The following MYO6 variants were observed in gnomAD, a reference collection of about 807,000 sequenced individuals.
MYO6 encodes the protein unconventional myosin-VI.
MYO6 carries 74 observed loss-of-function variants against 178.7 expected under a neutral mutation model. The ratio of observed to expected loss-of-function variants is 0.41; its 90% CI spans 0.34 to 0.50. The LOEUF (loss-of-function observed/expected upper bound fraction) is 0.50, where lower values mean the gene tolerates loss of function less well. Ranked by LOEUF, MYO6 falls within the 20% of genes least tolerant of loss-of-function variation. The pLI is 0.09. For synonymous variants in MYO6, 477 were observed against 504.6 expected (o/e 0.95, Z 0.73); for missense variants, 1,330 against 1,547.4 (o/e 0.86, Z 2.36).
chr6:75,910,265 A>C (rs1562317434), intron 32 of MYO6, among the ~76,000 whole-genome samples: 1 of 152,182 alleles, frequency 6.6e-6, no homozygotes, highest in African/African-American at 2.4e-5. Context: ...TATAATTACT[A>C]ACTTTAGCTT....
At chr6:75,831,853 A>G (rs925147250) in intron 5 of MYO6, among the ~76,000 whole-genome samples, 1 of 151,246 alleles carries the variant, frequency 6.6e-6, no homozygotes. Flanking sequence ...TCATGCCACT[A>G]TACTTCAACC....
At chr6:75,896,337 TGTA>T (rs1339188601) in intron 29 of MYO6, among the ~76,000 whole-genome samples, 3 of 152,250 alleles carry the variant, frequency 2.0e-5, no homozygotes, top group Admixed American at 1.3e-4. Flanking sequence ...TCTGCATAAC[TGTA>T]GTAGAAGACA....
In MYO6 at chr6:75,866,588, C is replaced by G. The variant is rs763342831; in HGVS notation, c.1737C>G (p.Ile579Met). The G allele has an allele frequency of 1.9e-6, 3 of 1,614,026 alleles. No individual in the cohort carries two copies. Among genetic ancestry groups the G allele is most frequent in the Admixed American group, 1.7e-5 (1 of 60,010 alleles). The change falls in exon 17 of 35, where the codon ATC (isoleucine) becomes ATG (methionine). Residue 579 changes from isoleucine to methionine, a missense_variant. Coordinates refer to ENST00000369977, the MANE Select transcript of MYO6 (RefSeq NM_004999.4). ...TCAGAGACGACGAAGGCTTCATTATCAGGCATTTTGCGGGGGCAGTGTGCT... is the reference window on the plus strand; with the variant it reads ...TCAGAGACGACGAAGGCTTCATTATGAGGCATTTTGCGGGGGCAGTGTGCT... ...RNIRDDEGFIIRHFAGAVCYE... is the reference protein window; with the variant it reads ...RNIRDDEGFIMRHFAGAVCYE...
intron 1 of MYO6, among the ~76,000 whole-genome samples, chr6:75,793,556 A>T (rs1391233142): frequency 2.0e-5 from 3 of 152,068 alleles, no homozygotes; most frequent in Non-Finnish European, 1.5e-5. Flanking sequence ...GTGAGCCAAG[A>T]TCGTACCACT....
chr6:75,863,282 G>A (rs1162345775), intron 16 of MYO6, among the ~76,000 whole-genome samples: 3 of 152,102 alleles, frequency 2.0e-5, no homozygotes, highest in Non-Finnish European at 4.4e-5. Flanking sequence ...CTTGACTGGT[G>A]CAGGCAATAC....
chr6:75,813,128 GTTCA>G (rs1770856806), intron 1 of MYO6, among the ~76,000 whole-genome samples: 1 of 152,088 alleles, frequency 6.6e-6, no homozygotes, highest in Non-Finnish European at 1.5e-5. Flanking sequence ...ATTTCTTCTT[GTTCA>G]TTAAGCCCTT....
At chr6:75,877,131 C>T (rs535309145) in intron 20 of MYO6, among the ~76,000 whole-genome samples, 4 of 152,132 alleles carry the variant, frequency 2.6e-5, no homozygotes, top group Non-Finnish European at 5.9e-5. Flanking sequence ...GCATGCACCA[C>T]CATGCTGGCT....
intron 1 of MYO6, among the ~76,000 whole-genome samples, chr6:75,796,374 A>G (rs931673474): frequency 1.3e-5 from 2 of 151,978 alleles, no homozygotes; most frequent in Admixed American, 6.6e-5. Flanking sequence ...ACTAAGTAAC[A>G]TTTATGTCCA....
chr6:75,821,263 G>A (rs1583187595), intron 2 of MYO6, among the ~76,000 whole-genome samples: 1 of 152,060 alleles, frequency 6.6e-6, no homozygotes, highest in East Asian at 1.9e-4. Context: ...CTCCTACCAG[G>A]CAGAGCTAAA....
At chr6:75,791,134 C>T (rs933529932) in intron 1 of MYO6, among the ~76,000 whole-genome samples, 3 of 152,070 alleles carry the variant, frequency 2.0e-5, no homozygotes, top group Admixed American at 6.6e-5. Context: ...GGGGTTTCAC[C>T]GTGTTAGCCA....
At chr6:75,825,145 G>C (rs2150193884) in intron 3 of MYO6, among the ~76,000 whole-genome samples, 1 of 152,314 alleles carries the variant, frequency 6.6e-6, no homozygotes, top group East Asian at 1.9e-4. Context: ...ATTGTCACAA[G>C]AATAGGAAAA....
intron 16 of MYO6, among the ~76,000 whole-genome samples, chr6:75,864,904 A>T (rs911149624): frequency 6.6e-6 from 1 of 152,192 alleles, no homozygotes; most frequent in African/African-American, 2.4e-5. Context: ...GATGAGACAT[A>T]CAAGGAGAGG....
chr6:75,867,334 C>G (rs189430103), intron 18 of MYO6: 1 of 414,014 alleles, frequency 2.4e-6, no homozygotes, highest in Non-Finnish European at 4.4e-6. Flanking sequence ...CTTAACATAT[C>G]TGATTGCCTC....
intron 23 of MYO6, among the ~76,000 whole-genome samples, chr6:75,885,563 C>T (rs1425898803): frequency 6.6e-6 from 1 of 152,172 alleles, no homozygotes; most frequent in Non-Finnish European, 1.5e-5. Context: ...ATTCTCCTGC[C>T]TCAGCCTCCC....
intron 1 of MYO6, among the ~76,000 whole-genome samples, chr6:75,784,792 A>AG (rs1201520960): frequency 2.1e-5 from 3 of 145,872 alleles, no homozygotes; most frequent in African/African-American, 7.5e-5. Context: ...AAAAAAAAAA[A>AG]AAAAAAAAAA....
intron 1 of MYO6, among the ~76,000 whole-genome samples, chr6:75,754,494 T>C (rs1017639819): frequency 3.4e-5 from 4 of 116,812 alleles, no homozygotes; most frequent in Non-Finnish European, 6.4e-5. Flanking sequence ...CAGTCCAGCC[T>C]GGACGATTGA....
rs780187868 is a variant in MYO6 at position 75,828,522 on chromosome 6, A to G, written c.188-18A>G. The G allele has an allele frequency of 7.1e-7, 1 of 1,411,868 alleles. No individual in the cohort carries two copies. Among genetic ancestry groups the G allele is most frequent in the Non-Finnish European group, 1.0e-6 (1 of 996,986 alleles). 87.5% of individuals were successfully genotyped at this position (1,411,868 alleles called of 1,614,324 possible). ...GTTTTCTTCAATTCTCTAATGACAT[A>G]TAAATTTTATGTCTTAGGTTCACTA... On this transcript the variant is annotated intron_variant, in intron 3 of 34. Coordinates refer to ENST00000369977, the MANE Select transcript of MYO6 (RefSeq NM_004999.4).
At chr6:75,836,355 C>T (rs1336301329) in intron 7 of MYO6, among the ~76,000 whole-genome samples, 1 of 152,072 alleles carries the variant, frequency 6.6e-6, no homozygotes, top group African/African-American at 2.4e-5. Flanking sequence ...TTAACGAAGG[C>T]CGTAGTGTGT....
intron 21 of MYO6, 27 bp from the exon 22 acceptor site, chr6:75,880,016 T>C (rs1431646097): frequency 1.9e-6 from 3 of 1,612,736 alleles, no homozygotes; most frequent in African/African-American, 1.3e-5. Context: ...ATAATTGACA[T>C]TTAACTTTTT....
Sources: gnomAD v4.1 joint callset for allele counts (sites outside exome capture counted in the v4.1 genomes callset) on GRCh38, gnomAD v4.1.1 for gene constraint, MANE v1.5 for transcripts, NCBI Gene and HGNC (gene_info 2026-07-23, HGNC 2026-07-21) for gene names.